UVRAG: variants seen among roughly 807,000 people sequenced by gnomAD.
UVRAG encodes UV radiation resistance associated, also known as UV radiation resistance-associated gene protein.
Under a neutral mutation model 78.0 loss-of-function variants are expected in UVRAG, and 19 were observed. That is an observed-to-expected ratio of 0.24 (90% CI 0.17 to 0.36). The LOEUF (loss-of-function observed/expected upper bound fraction) is 0.36. Ranked by LOEUF, UVRAG falls within the 10% of genes least tolerant of loss-of-function variation. UVRAG has a pLI of 1.00. For synonymous variants in UVRAG, 323 were observed against 324.6 expected, an observed-to-expected ratio of 1.00 and a Z score of 0.05; for missense variants, 740 against 853.8, an observed-to-expected ratio of 0.87 and a Z score of 1.66.
At chr11:75,893,841 C>G (rs115504315) in intron 5 of UVRAG, among the ~76,000 whole-genome samples, 1 of 148,734 alleles carries the variant, frequency 6.7e-6, no homozygotes, top group Non-Finnish European at 1.5e-5. Flanking sequence ...AAAAAAAAAG[C>G]GAGGGTGAGA....
intron 5 of UVRAG, among the ~76,000 whole-genome samples, chr11:75,891,797 C>T (rs1224217613): frequency 1.3e-5 from 2 of 151,920 alleles, no homozygotes; most frequent in Non-Finnish European, 2.9e-5. Context: ...GTCTGTAGTC[C>T]CACCAACTTG....
intron 13 of UVRAG, among the ~76,000 whole-genome samples, chr11:76,072,537 G>A (rs1460577362): frequency 6.6e-6 from 1 of 152,160 alleles, no homozygotes; most frequent in Non-Finnish European, 1.5e-5. Context: ...TCTGGGTAAG[G>A]AAGAGAACAG....
chr11:75,982,322 C>T (rs534303020), intron 7 of UVRAG, among the ~76,000 whole-genome samples: 1 of 152,126 alleles, frequency 6.6e-6, no homozygotes, highest in African/African-American at 2.4e-5. Context: ...TTAATACTGG[C>T]CAGGAGTGGC....
chr11:75,844,851 GA>G (rs1031200201), intron 1 of UVRAG, among the ~76,000 whole-genome samples: 5 of 151,806 alleles, frequency 3.3e-5, no homozygotes, highest in African/African-American at 1.2e-4. Context: ...TTTTTGTGGA[GA>G]TGGAGTTTTG....
chr11:75,882,291 A>G (rs1946965337), intron 4 of UVRAG, among the ~76,000 whole-genome samples: 1 of 152,046 alleles, frequency 6.6e-6, no homozygotes, highest in Non-Finnish European at 1.5e-5. Context: ...AGGCGGGAGG[A>G]TCACTTGAAG....
At position 76,007,619 on chromosome 11, in the gene UVRAG, T is replaced by C. The variant is rs140332206; in HGVS notation, c.997T>C (p.Leu333=). The change falls in exon 10 of 15, where the codon TTG becomes CTG. Residue 333 remains leucine, a splice_region_variant and synonymous_variant. Coordinates refer to ENST00000356136, the MANE Select transcript of UVRAG (RefSeq NM_003369.4). ...GCTTTCCTACATTTACCCTATTGAT[T>C]TGGTAAGTTTCAAATTTTCTGAAAA... ...SELSYIYPID[L]NEHKDYFVCG... is the part of the protein sequence containing the mutation. 341 of 1,611,042 alleles carry C rather than the reference T, an allele frequency of 2.1e-4. 2 individuals are homozygous for C. In the African/African-American group the frequency reaches 3.8e-3, roughly 18 times the overall value.
Position 76,064,348 on chromosome 11 carries a change from G to A in UVRAG, c.1227-1362G>A, listed in dbSNP as rs564254195. Among the ~76,000 whole-genome samples the A allele has an allele frequency of 8.5e-5, 13 of 152,284 alleles. No homozygotes were observed. In the South Asian group the frequency reaches 1.9e-3, roughly 22 times the overall value. The stretch of plus-strand genomic sequence containing the variant: ...CCTGTTGGGTACTTGCAAATACGTC[G>A]TTTCTTTGCAGGCTACCCCATCTGA... On this transcript the variant is annotated intron_variant, in intron 12 of 14. Coordinates refer to ENST00000356136, the MANE Select transcript of UVRAG (RefSeq NM_003369.4).
chr11:75,913,638 C>CA (rs149900464), intron 6 of UVRAG, among the ~76,000 whole-genome samples: 1,930 of 152,198 alleles, frequency 0.013, 21 homozygotes, highest in Non-Finnish European at 0.019. Context: ...AAGCTGAGGC[C>CA]AAGAGGCATT....
intron 7 of UVRAG, among the ~76,000 whole-genome samples, chr11:75,978,251 G>A (rs901311527): frequency 6.6e-6 from 1 of 152,090 alleles, no homozygotes; most frequent in African/African-American, 2.4e-5. Flanking sequence ...TTAGTCTGAT[G>A]GGCTTCCCTT....
chr11:76,120,091 C>T (rs186570376), intron 14 of UVRAG, among the ~76,000 whole-genome samples: 64 of 152,312 alleles, frequency 4.2e-4, no homozygotes, highest in Admixed American at 9.8e-4. Flanking sequence ...CTCACCTCAT[C>T]GCCTCATAGA....
chr11:76,088,494 G>GC (rs1343902946), intron 13 of UVRAG, among the ~76,000 whole-genome samples: 3 of 45,282 alleles, frequency 6.6e-5, no homozygotes, highest in African/African-American at 8.6e-5. Flanking sequence ...GCCCACCCGC[G>GC]CCCCCTCCCC....
At chr11:75,865,420 C>G (rs1946516407) in intron 3 of UVRAG, among the ~76,000 whole-genome samples, 1 of 151,822 alleles carries the variant, frequency 6.6e-6, no homozygotes, top group African/African-American at 2.4e-5. Flanking sequence ...ATAAAACTTT[C>G]TGCAATGATG....
At chr11:75,831,478 A>T (rs1291558553) in intron 1 of UVRAG, among the ~76,000 whole-genome samples, 1 of 150,246 alleles carries the variant, frequency 6.7e-6, no homozygotes, top group African/African-American at 2.5e-5. Context: ...AAAAGAGTGA[A>T]ACTCCTTCTC....
chr11:76,047,902 A>G (rs1055214844), intron 12 of UVRAG, among the ~76,000 whole-genome samples: 5 of 152,166 alleles, frequency 3.3e-5, no homozygotes, highest in Non-Finnish European at 5.9e-5. Flanking sequence ...GTTTTCTTTT[A>G]TATTGTTGGG....
intron 6 of UVRAG, among the ~76,000 whole-genome samples, chr11:75,924,121 G>T (rs750141472): frequency 6.6e-6 from 1 of 152,174 alleles, no homozygotes; most frequent in Admixed American, 6.5e-5. Flanking sequence ...GGCTCAGAGC[G>T]AATGCTCAGC....
At chr11:75,880,842 A>G (rs1946927630) in intron 4 of UVRAG, among the ~76,000 whole-genome samples, 1 of 151,228 alleles carries the variant, frequency 6.6e-6, no homozygotes, top group African/African-American at 2.4e-5. Flanking sequence ...GGTGTGAGCC[A>G]CTGTGCCTGG....
Position 75,949,221 on chromosome 11 carries a change from TC to T in UVRAG, c.594-12221del, listed in dbSNP as rs199682771. Among the ~76,000 whole-genome samples the T allele has an allele frequency of 4.9e-3, 749 of 152,230 alleles. 7 individuals carry two copies. Among genetic ancestry groups the T allele is most frequent in the African/African-American group, 0.017 (705 of 41,538 alleles). On this transcript the variant is annotated intron_variant, in intron 6 of 14. Coordinates refer to ENST00000356136, the MANE Select transcript of UVRAG (RefSeq NM_003369.4). ...GGTCATTCCTCCCTTGATGGGCTGT[TC>T]CTTTAACTGCTGTCATACCAGCTCT...
intron 13 of UVRAG, among the ~76,000 whole-genome samples, chr11:76,112,439 T>C (rs1171806331): frequency 6.6e-6 from 1 of 152,146 alleles, no homozygotes; most frequent in Non-Finnish European, 1.5e-5. Flanking sequence ...CAGAAAGATA[T>C]TATAGGATAC....
intron 8 of UVRAG, among the ~76,000 whole-genome samples, chr11:76,001,483 A>C (rs938048775): frequency 5.9e-5 from 9 of 152,230 alleles, no homozygotes; most frequent in Non-Finnish European, 1.2e-4. Context: ...GGAAACTGAA[A>C]GAGTAGAGGA....
Sources: allele counts gnomAD v4.1 joint callset (sites outside exome capture counted in the v4.1 genomes callset), GRCh38; gene constraint gnomAD v4.1.1; transcripts MANE v1.5; gene names NCBI Gene and HGNC (gene_info 2026-07-23, HGNC 2026-07-21).